ROBO2: variants seen among roughly 807,000 people sequenced by gnomAD.
ROBO2 encodes the protein roundabout homolog 2.
ROBO2 carries 53 observed loss-of-function variants against 160.8 expected under a neutral mutation model. The ratio of observed to expected loss-of-function variants is 0.33; its 90% confidence interval spans 0.26 to 0.41. The LOEUF (loss-of-function observed/expected upper bound fraction) is 0.41. Ranked by LOEUF, ROBO2 falls within the 10% of genes least tolerant of loss-of-function variation. ROBO2 has a pLI of 1.00. For synonymous variants in ROBO2, 664 were observed against 611.7 expected, an observed-to-expected ratio of 1.09 and a Z score of -1.26; for missense variants, 1,577 against 1,722.4, an observed-to-expected ratio of 0.92 and a Z score of 1.49.
intron 2 of ROBO2, among the ~76,000 whole-genome samples, chr3:75,997,235 T>C (rs1430490596): frequency 6.6e-6 from 1 of 152,178 alleles, no homozygotes; most frequent in Non-Finnish European, 1.5e-5. Context: ...CTCAATTATA[T>C]CCTCATTAAA....
intron 2 of ROBO2, among the ~76,000 whole-genome samples, chr3:76,859,524 C>G (rs974200661): frequency 6.6e-6 from 1 of 152,112 alleles, no homozygotes; most frequent in Non-Finnish European, 1.5e-5. Flanking sequence ...TCAATTTGCT[C>G]CCCTTCCCTA....
intron 21 of ROBO2, among the ~76,000 whole-genome samples, chr3:77,610,283 T>G (rs964406239): frequency 6.6e-6 from 1 of 152,114 alleles, no homozygotes; most frequent in African/African-American, 2.4e-5. Context: ...GGTTTAAGCT[T>G]TTCTTGGCAT....
chr3:77,598,512 CAT>C (rs200386300), intron 19 of ROBO2, among the ~76,000 whole-genome samples: 12,606 of 112,786 alleles, frequency 0.11, 685 homozygotes, highest in Admixed American at 0.18. Context: ...TACGCACACA[CAT>C]ATATATATAT....
In ROBO2 at chr3:77,098,161, G is replaced by A. The variant is rs745544902; in HGVS notation, c.209G>A (p.Arg70Gln). The A allele has an allele frequency of 3.7e-6, 6 of 1,614,068 alleles. No individual in the cohort carries two copies. The African/African-American group carries it at 4.0e-5, about 11-fold the overall frequency. The change falls in exon 2 of 26, where the codon CGA (arginine) becomes CAA (glutamine). Residue 70 changes from arginine (R) to glutamine (Q), a missense_variant. By Grantham distance (43) the Arg-to-Gln change is conservative. Coordinates refer to ENST00000461745, the Ensembl canonical transcript of ROBO2. ...ATTGAGTGGTACAAAGATGGGGAGC[G>A]AGTGGAGACTGACAAGGACGATCCC...
chr3:76,434,658 C>A, intron 2 of ROBO2: 1 of 1,219,594 alleles, frequency 8.2e-7, no homozygotes, highest in Non-Finnish European at 1.2e-6. Context: ...TGGACTCTGC[C>A]ATCTGGACCC....
At chr3:77,591,975 T>C (rs1287807471) in intron 17 of ROBO2, among the ~76,000 whole-genome samples, 1 of 152,212 alleles carries the variant, frequency 6.6e-6, no homozygotes, top group Non-Finnish European at 1.5e-5. Flanking sequence ...TAGTTATTTG[T>C]AGTCTGCCCT....
intron 2 of ROBO2, among the ~76,000 whole-genome samples, chr3:77,349,997 A>G (rs571666319): frequency 6.6e-6 from 1 of 152,014 alleles, no homozygotes; most frequent in South Asian, 2.1e-4. Flanking sequence ...GCTTTTGTAA[A>G]GCTTACTTTT....
chr3:76,450,954 G>A (rs970464804), intron 2 of ROBO2, among the ~76,000 whole-genome samples: 1 of 152,086 alleles, frequency 6.6e-6, no homozygotes, highest in Non-Finnish European at 1.5e-5. Context: ...AGATTTGAGT[G>A]GCTTAGGATC....
intron 2 of ROBO2, among the ~76,000 whole-genome samples, chr3:77,142,864 C>G (rs7432686): frequency 0.39 from 59,012 of 151,958 alleles, 12,851 homozygotes; most frequent in Middle Eastern, 0.55. Context: ...TGCAATGCAG[C>G]GACCTGTCGC....
At chr3:76,213,723 T>C (rs1053271364) in intron 2 of ROBO2, among the ~76,000 whole-genome samples, 3 of 152,172 alleles carry the variant, frequency 2.0e-5, no homozygotes, top group Non-Finnish European at 4.4e-5. Flanking sequence ...CAAAAAACTT[T>C]TAGACTTTAA....
intron 2 of ROBO2, among the ~76,000 whole-genome samples, chr3:77,460,456 A>G (rs2082128552): frequency 6.6e-6 from 1 of 152,142 alleles, no homozygotes; most frequent in Non-Finnish European, 1.5e-5. Flanking sequence ...TGGGATCATC[A>G]GCATGGAGGC....
chr3:77,346,214 A>G (rs1024794822), intron 2 of ROBO2, among the ~76,000 whole-genome samples: 1 of 152,164 alleles, frequency 6.6e-6, no homozygotes, highest in Non-Finnish European at 1.5e-5. Context: ...ATTGCTTAGT[A>G]TATTTTAAAT....
rs202096481 is a variant in ROBO2, at chr3:76,121,840, GCAGA to G, written c.109+184242_109+184245del. On this transcript the variant is annotated intron_variant, in intron 2 of 26. Transcript: ENST00000487694. ...TCCAGAGCTAGAGAGTACCTTTGAG[GCAGA>G]CAGTCTCTAAAATGTGCCTAAGTCT... Among the ~76,000 whole-genome samples the G allele has an allele frequency of 9.6e-3, 1,455 of 152,266 alleles. 25 individuals carry two copies. Among genetic ancestry groups the G allele is most frequent in the African/African-American group, 0.034 (1,402 of 41,562 alleles).
At chr3:77,229,197 C>T (rs561131825) in intron 2 of ROBO2, among the ~76,000 whole-genome samples, 33 of 151,958 alleles carry the variant, frequency 2.2e-4, no homozygotes, top group Non-Finnish European at 4.1e-4. Flanking sequence ...AGCTATGTAT[C>T]GTTTTGAGAT....
chr3:76,331,794 C>A (rs6789891), intron 2 of ROBO2, among the ~76,000 whole-genome samples: 102,589 of 151,418 alleles, frequency 0.68, 39,229 homozygotes, highest in Non-Finnish European at 0.86. Flanking sequence ...AGCAATTCTC[C>A]TGTCTCAGCC....
chr3:77,253,376 A>G (rs1270422175), intron 2 of ROBO2, among the ~76,000 whole-genome samples: 1 of 152,252 alleles, frequency 6.6e-6, no homozygotes, highest in East Asian at 1.9e-4. Flanking sequence ...GATCAGCTAG[A>G]GAAAAATGAC....
intron 2 of ROBO2, among the ~76,000 whole-genome samples, chr3:75,980,363 T>C (rs1435272049): frequency 6.6e-6 from 1 of 151,574 alleles, no homozygotes; most frequent in East Asian, 1.9e-4. Flanking sequence ...TAATCTTCTA[T>C]AGAAGCATTT....
chr3:76,172,944 C>T (rs983476938), intron 2 of ROBO2, among the ~76,000 whole-genome samples: 4 of 151,816 alleles, frequency 2.6e-5, no homozygotes, highest in Non-Finnish European at 4.4e-5. Flanking sequence ...ATATATAAAG[C>T]TTCAAGCAAA....
At chr3:76,559,384 C>T (rs1456286211) in intron 2 of ROBO2, among the ~76,000 whole-genome samples, 3 of 152,084 alleles carry the variant, frequency 2.0e-5, no homozygotes, top group East Asian at 3.9e-4. Flanking sequence ...TGCATTGCAA[C>T]GCAGTGGTGC....
Sources: allele counts gnomAD v4.1 joint callset (sites outside exome capture counted in the v4.1 genomes callset), GRCh38; gene constraint gnomAD v4.1.1; transcripts MANE v1.5; gene names NCBI Gene and HGNC (gene_info 2026-07-23, HGNC 2026-07-21).